EPS15: variants seen among roughly 807,000 people sequenced by gnomAD.
EPS15 encodes epidermal growth factor receptor substrate 15.
A neutral mutation model predicts 113.8 loss-of-function variants in EPS15; 72 were observed. The observed-to-expected ratio is 0.63, with a 90% confidence interval of 0.52 to 0.77. The LOEUF is 0.77. EPS15 is among the 30% of genes least tolerant of loss of function. The probability of loss-of-function intolerance (pLI) is 0.00; values close to 1 mark genes in which losing one functional copy is unlikely to be tolerated. For synonymous variants in EPS15, 344 were observed against 363.4 expected, an observed-to-expected ratio of 0.95 and a Z score of 0.61; for missense variants, 1,048 against 1,045.8, an observed-to-expected ratio of 1.00 and a Z score of -0.03.
chr1:51,489,519 T>C (rs1178124672), intron 1 of EPS15, among the ~76,000 whole-genome samples: 4 of 152,016 alleles, frequency 2.6e-5, no homozygotes, highest in Non-Finnish European at 4.4e-5. Flanking sequence ...GGTTTCACCA[T>C]GTTTTGCAGG....
chr1:51,515,858 C>A (rs1644706680), intron 1 of EPS15, among the ~76,000 whole-genome samples: 1 of 152,210 alleles, frequency 6.6e-6, no homozygotes, highest in Admixed American at 6.5e-5. Flanking sequence ...TACTAGCTTA[C>A]TTACTAGCTT....
intron 21 of EPS15, among the ~76,000 whole-genome samples, chr1:51,392,028 A>G (rs1304104633): frequency 6.6e-6 from 1 of 152,206 alleles, no homozygotes; most frequent in Non-Finnish European, 1.5e-5. Context: ...GCCACAGATG[A>G]GTTCCCCCAA....
intron 21 of EPS15, among the ~76,000 whole-genome samples, chr1:51,371,533 AT>A (rs1646652673): frequency 1.3e-5 from 2 of 149,234 alleles, no homozygotes; most frequent in South Asian, 2.1e-4. Flanking sequence ...GAAAAAAAAA[AT>A]TTAAAAGTAG....
chr1:51,468,055 C>G (rs1287336974), intron 5 of EPS15, among the ~76,000 whole-genome samples: 1 of 152,202 alleles, frequency 6.6e-6, no homozygotes, highest in Non-Finnish European at 1.5e-5. Context: ...AGCTCCCAGG[C>G]TCAAATGATC....
intron 4 of EPS15, 120 bp from the exon 5 acceptor site, chr1:51,468,688 G>C (rs1319681670): frequency 1.6e-6 from 1 of 636,170 alleles, no homozygotes; most frequent in African/African-American, 1.9e-5. Flanking sequence ...GTCTTATGTA[G>C]CAACAAGTAG....
At chr1:51,508,339 A>AG (rs1644554329) in intron 1 of EPS15, among the ~76,000 whole-genome samples, 16 of 23,800 alleles carry the variant, frequency 6.7e-4, no homozygotes, top group African/African-American at 1.6e-3. Context: ...AGAGAAAGAG[A>AG]GAAAGAAAGA....
rs545504958 is a variant in EPS15 at position 51,367,222 on chromosome 1, C to T, written c.2120-1193G>A. Among the ~76,000 whole-genome samples the T allele has an allele frequency of 3.3e-5, 5 of 152,048 alleles. No individual in the cohort carries two copies. In the East Asian group the frequency reaches 5.8e-4, roughly 18 times the overall value. ...AATAGATAAACACGGGGAAGAGAAA[C>T]CAGGCTACCAGGCAGAAGGAACAGT... is the stretch of plus-strand genomic sequence containing the variant. On this transcript the variant is annotated intron_variant, in intron 21 of 24. Transcript: ENST00000371733.
chr1:51,437,734 C>T lies in EPS15; in HGVS notation c.1040+2613G>A, dbSNP rs866501627. Among the ~76,000 whole-genome samples, 7 of 152,104 alleles carry T rather than the reference C, an allele frequency of 4.6e-5. No homozygotes were observed. The South Asian group carries it at 1.2e-3, about 27-fold the overall frequency. On this transcript the variant is annotated intron_variant, in intron 12 of 24. Transcript: ENST00000371733. ...CTGACCTTAAGTGATCCACCTGCCT[C>T]GGCCCCGCAAAGTACTGGGATTACA...
chr1:51,423,093 GT>G, intron 12 of EPS15: 1 of 670,332 alleles, frequency 1.5e-6, no homozygotes, highest in Non-Finnish European at 2.1e-6. Flanking sequence ...AAAATCAACT[GT>G]TTTGGATACG....
At chr1:51,422,157 C>G in intron 12 of EPS15, 1 of 654,810 alleles carries the variant, frequency 1.5e-6, no homozygotes. Context: ...GTCACTGTTG[C>G]TATGGAAATA....
intron 1 of EPS15, among the ~76,000 whole-genome samples, chr1:51,512,318 C>A (rs149424839): frequency 6.6e-5 from 10 of 152,204 alleles, no homozygotes; most frequent in African/African-American, 2.4e-4. Flanking sequence ...AAGTAATTTG[C>A]CCAAGATCAC....
At chr1:51,480,356 C>T (rs1357806222) in intron 2 of EPS15, among the ~76,000 whole-genome samples, 1 of 152,192 alleles carries the variant, frequency 6.6e-6, no homozygotes, top group African/African-American at 2.4e-5. Context: ...GGTATGCACC[C>T]TTGATGACTT....
intron 13 of EPS15, among the ~76,000 whole-genome samples, chr1:51,412,100 C>T (rs1323309696): frequency 2.0e-5 from 3 of 152,124 alleles, no homozygotes; most frequent in Non-Finnish European, 4.4e-5. Context: ...AGCAAACTAC[C>T]ACAGGAACAG....
intron 21 of EPS15, among the ~76,000 whole-genome samples, chr1:51,381,860 A>C (rs190817296): frequency 3.4e-4 from 52 of 152,296 alleles, no homozygotes; most frequent in Non-Finnish European, 6.2e-4. Flanking sequence ...AAAAAAGAAG[A>C]GCTCAAATCA....
At chr1:51,400,733 A>AAAAG (rs1553120052) in intron 19 of EPS15, among the ~76,000 whole-genome samples, 185 bp downstream of exon 19, 13 of 147,736 alleles carry the variant, frequency 8.8e-5, no homozygotes, top group African/African-American at 1.2e-4. Context: ...AAAAAAAAAA[A>AAAAG]AAGAAGAAGT....
chr1:51,376,554 C>G (rs186277821), intron 21 of EPS15, among the ~76,000 whole-genome samples: 1 of 152,260 alleles, frequency 6.6e-6, no homozygotes, highest in East Asian at 1.9e-4. Context: ...GTCCCAGCTA[C>G]TTGGGAGGCT....
chr1:51,480,843 G>GTACTAATTT (rs1644008538), intron 2 of EPS15, among the ~76,000 whole-genome samples: 1 of 152,112 alleles, frequency 6.6e-6, no homozygotes, highest in Non-Finnish European at 1.5e-5. Context: ...ACCAGAGGCT[G>GTACTAATTT]TATATCTGTA....
intron 12 of EPS15, among the ~76,000 whole-genome samples, chr1:51,427,916 A>G (rs1056222313): frequency 6.6e-6 from 1 of 152,216 alleles, no homozygotes; most frequent in Non-Finnish European, 1.5e-5. Flanking sequence ...GATAAACACA[A>G]AAAGACTCAC....
chr1:51,429,062 T>C (rs1333301151), intron 12 of EPS15, among the ~76,000 whole-genome samples: 3 of 152,088 alleles, frequency 2.0e-5, no homozygotes, highest in South Asian at 2.1e-4. Flanking sequence ...CAACTAATTT[T>C]ATTTTCTGTA....
Sources: gnomAD v4.1 joint callset for allele counts (sites outside exome capture counted in the v4.1 genomes callset) on GRCh38, gnomAD v4.1.1 for gene constraint, MANE v1.5 for transcripts, NCBI Gene and HGNC (gene_info 2026-07-23, HGNC 2026-07-21) for gene names.